RBFOX3: variants seen among roughly 807,000 people sequenced by gnomAD.
RBFOX3 encodes the protein RNA binding protein fox-1 homolog 3.
Under a neutral mutation model 48.7 loss-of-function variants are expected in RBFOX3, and 17 were observed. That is an observed-to-expected ratio of 0.35 (90% confidence interval 0.24 to 0.52). The LOEUF is 0.52. Among genes scored for constraint, RBFOX3 ranks in the 20% least tolerant of loss-of-function variants. The pLI is 0.94. For synonymous variants in RBFOX3, 212 were observed against 209.5 expected (o/e 1.01, Z -0.10); for missense variants, 382 against 497.5 (o/e 0.77, Z 2.21).
chr17:79,163,978 T>C (rs2047491009), intron 4 of RBFOX3, among the ~76,000 whole-genome samples: 1 of 152,152 alleles, frequency 6.6e-6, no homozygotes, highest in African/African-American at 2.4e-5. Context: ...TACAGCACAT[T>C]CTAGAATATC....
intron 1 of RBFOX3, among the ~76,000 whole-genome samples, chr17:79,551,575 T>C (rs2091164105): frequency 6.6e-6 from 1 of 151,498 alleles, no homozygotes; most frequent in South Asian, 2.1e-4. Context: ...GGTGGATAGA[T>C]AGGTAGGTGG....
chr17:79,614,167 G>A (rs1681394540), upstream of RBFOX3, among the ~76,000 whole-genome samples: 1 of 152,230 alleles, frequency 6.6e-6, no homozygotes, highest in African/African-American at 2.4e-5. Context: ...AAGGCGTGGG[G>A]CCCAAGACCC....
At chr17:79,445,162 T>G (rs1225314858) in intron 2 of RBFOX3, among the ~76,000 whole-genome samples, 7 of 152,192 alleles carry the variant, frequency 4.6e-5, no homozygotes, top group African/African-American at 1.7e-4. Context: ...TCGATAGACA[T>G]TGAGTTGCTT....
the RBFOX3 span, among the ~76,000 whole-genome samples, chr17:79,626,813 T>C: frequency 6.6e-6 from 1 of 152,166 alleles, no homozygotes; most frequent in South Asian, 2.1e-4. Flanking sequence ...GAGAAGGTGC[T>C]CGAGCCTCCG....
At chr17:79,592,369 G>GTT (rs1178750617) in intron 1 of RBFOX3, among the ~76,000 whole-genome samples, 2 of 151,608 alleles carry the variant, frequency 1.3e-5, no homozygotes, top group African/African-American at 4.9e-5. Context: ...GCATGTGTGT[G>GTT]GTGTGTGCAG....
At chr17:79,194,753 G>GTGTGTGT (rs1555599582) in intron 4 of RBFOX3, among the ~76,000 whole-genome samples, 7,523 of 149,036 alleles carry the variant, frequency 0.05, 350 homozygotes, top group African/African-American at 0.12. Context: ...TGTGTGTGTG[G>GTGTGTGT]GTGTGTGTGT....
At chr17:79,582,449 C>T (rs1028792786) in intron 1 of RBFOX3, among the ~76,000 whole-genome samples, 1 of 152,156 alleles carries the variant, frequency 6.6e-6, no homozygotes, top group Admixed American at 6.5e-5. Context: ...CTTTGTCCAT[C>T]CCTGATGACT....
At chr17:79,153,957 G>A (rs1026015524) in intron 4 of RBFOX3, among the ~76,000 whole-genome samples, 6 of 152,172 alleles carry the variant, frequency 3.9e-5, no homozygotes, top group African/African-American at 9.7e-5. Flanking sequence ...GATGGGAGGG[G>A]CGGGCCCAGT....
chr17:79,172,173 C>CAAAAA (rs977301314), intron 4 of RBFOX3, among the ~76,000 whole-genome samples: 6,079 of 52,364 alleles, frequency 0.12, 301 homozygotes, highest in Non-Finnish European at 0.17. Flanking sequence ...GAGTCCGTCT[C>CAAAAA]AAAAAAAAAA....
intron 1 of RBFOX3, among the ~76,000 whole-genome samples, chr17:79,492,273 T>C (rs1237169797): frequency 6.6e-6 from 1 of 152,148 alleles, no homozygotes; most frequent in East Asian, 1.9e-4. Context: ...AGACAGCCCC[T>C]GTGTCTTCAC....
chr17:79,188,988 C>T (rs1056193950), intron 4 of RBFOX3, among the ~76,000 whole-genome samples: 9 of 152,218 alleles, frequency 5.9e-5, no homozygotes, highest in African/African-American at 2.2e-4. Flanking sequence ...CACCGTTTGG[C>T]AAACTGGGCC....
chr17:79,225,360 G>A (rs1303120645), intron 4 of RBFOX3, among the ~76,000 whole-genome samples: 1 of 148,982 alleles, frequency 6.7e-6, no homozygotes, highest in Non-Finnish European at 1.5e-5. Context: ...GCACCATTTG[G>A]ACTCACCGCA....
the RBFOX3 span, among the ~76,000 whole-genome samples, chr17:79,645,643 G>T: frequency 6.6e-6 from 1 of 152,120 alleles, no homozygotes; most frequent in African/African-American, 2.4e-5. Context: ...TCACCCAACT[G>T]CCCAGCCCAT....
intron 1 of RBFOX3, among the ~76,000 whole-genome samples, chr17:79,512,281 A>G (rs1326025858): frequency 1.1e-4 from 12 of 111,656 alleles, no homozygotes; most frequent in East Asian, 3.1e-4. Flanking sequence ...CCGGATACAT[A>G]TTACCATCGG....
chr17:79,235,024 G>C (rs1201379125), intron 4 of RBFOX3: 1 of 152,138 alleles, frequency 6.6e-6, no homozygotes, highest in Non-Finnish European at 1.5e-5. Flanking sequence ...GAGCCACCAA[G>C]CCCGGTCCAT....
rs2148201904 is a variant in RBFOX3, at chr17:79,391,555, A to T, written c.-174-83731T>A. ...CCGATTTTAATCTCACCCGAAACCA[A>T]CCTCACAGGTGCTGATTCACTTTTA... On this transcript the variant is annotated intron_variant, in intron 2 of 14. Transcript: ENST00000693108. This position sits in a 1 kb window ranked among gnomAD's most constrained non-coding sequence, Gnocchi z 5.0. 6.6e-6 allele frequency among the ~76,000 whole-genome samples: 1 copy of T among 152,198 alleles called. No individual in the cohort carries two copies. Among genetic ancestry groups the T allele is most frequent in the South Asian group, 2.1e-4 (1 of 4,812 alleles).
In RBFOX3 at chr17:79,089,673, G is replaced by C. The variant is rs550418611; in HGVS notation, c.*1210C>G. 2.0e-4 allele frequency: 30 copies of C among 152,728 alleles called. No homozygotes were observed. Among genetic ancestry groups the C allele is most frequent in the African/African-American group, 7.2e-4 (30 of 41,574 alleles). The allele number at this position is 152,728 out of a possible 1,614,324, so 9.5% of individuals were successfully genotyped here. On this transcript the variant is annotated 3_prime_UTR_variant, in exon 15 of 15. Transcript: ENST00000693108. ...TAAATTTTTGACACTTCATGAGACA[G>C]TGGAGCCACGTTGGGAGCCTGTATT...
chr17:79,308,487 G>A (rs2076380478), intron 2 of RBFOX3, among the ~76,000 whole-genome samples: 1 of 152,178 alleles, frequency 6.6e-6, no homozygotes, highest in Admixed American at 6.5e-5. Flanking sequence ...GCTAGACACT[G>A]GGTGGGGGCA....
chr17:79,194,753 G>GTGTGTGTGTGTGT lies in RBFOX3; in HGVS notation c.-34+41012_-34+41013insACACACACACACA, dbSNP rs1555599582. ...AATTGAGACACTCCCTGTGTGTGTG[G>GTGTGTGTGTGTGT]GTGTGTGTGTGTGTGTGTGTGTGTG... On this transcript the variant is annotated intron_variant, in intron 4 of 14. Transcript: ENST00000693108. 2.4e-3 allele frequency among the ~76,000 whole-genome samples: 351 copies of GTGTGTGTGTGTGT among 149,118 alleles called. 3 individuals carry two copies. The highest frequency in any genetic ancestry group is 0.015 in the East Asian group (77 of 5,018).
Sources: gnomAD v4.1 joint callset for allele counts (sites outside exome capture counted in the v4.1 genomes callset) on GRCh38, gnomAD v4.1.1 for gene constraint, Gnocchi (gnomAD v3.1) non-coding constraint, MANE v1.5 for transcripts, NCBI Gene and HGNC (gene_info 2026-07-23, HGNC 2026-07-21) for gene names.